The following HPSE2 variants were observed in gnomAD, a reference collection of about 807,000 sequenced individuals.
The protein encoded by HPSE2 is inactive heparanase-2.
In HPSE2, 38 loss-of-function variants were observed where a neutral mutation model predicts 60.5. That is an observed-to-expected ratio of 0.63 (90% CI 0.48 to 0.82). The LOEUF is 0.82. Among genes scored for constraint, HPSE2 ranks in the 40% least tolerant of loss-of-function variants. HPSE2 has a pLI of 0.00. For synonymous variants in HPSE2, 295 were observed against 293.2 expected, an observed-to-expected ratio of 1.01 and a Z score of -0.06; for missense variants, 713 against 740.4, an observed-to-expected ratio of 0.96 and a Z score of 0.43.
chr10:98,468,484 C>T (rs1940646613), intron 11 of HPSE2, among the ~76,000 whole-genome samples: 1 of 152,050 alleles, frequency 6.6e-6, no homozygotes, highest in Non-Finnish European at 1.5e-5. Flanking sequence ...CCTGTTCTTC[C>T]CTCCAGGCCC....
intron 3 of HPSE2, among the ~76,000 whole-genome samples, chr10:98,799,518 G>C (rs1285458922): frequency 1.3e-5 from 2 of 152,008 alleles, no homozygotes; most frequent in South Asian, 2.1e-4. Context: ...TCATTCTCAA[G>C]GATAGACTAT....
chr10:98,929,259 T>A (rs570987573), intron 3 of HPSE2, among the ~76,000 whole-genome samples: 1 of 143,716 alleles, frequency 7.0e-6, no homozygotes, highest in East Asian at 2.0e-4. Context: ...TCAGCATCAG[T>A]GGACACTGCA....
At chr10:98,793,460 A>G (rs184018133) in intron 3 of HPSE2, among the ~76,000 whole-genome samples, 1 of 152,324 alleles carries the variant, frequency 6.6e-6, no homozygotes, top group Admixed American at 6.5e-5. Flanking sequence ...CATCCATTCA[A>G]CGAATATTAC....
chr10:98,610,502 C>T (rs565266911), intron 9 of HPSE2, among the ~76,000 whole-genome samples: 19 of 152,282 alleles, frequency 1.2e-4, no homozygotes, highest in Non-Finnish European at 2.6e-4. Flanking sequence ...AATCCATGAC[C>T]AATGACTATA....
chr10:99,046,167 C>G (rs906895225), intron 3 of HPSE2, among the ~76,000 whole-genome samples: 1 of 152,106 alleles, frequency 6.6e-6, no homozygotes, highest in African/African-American at 2.4e-5. Flanking sequence ...GGATGCAAGG[C>G]TGGTTCAACA....
chr10:98,782,904 G>A (rs146230878), intron 3 of HPSE2, among the ~76,000 whole-genome samples: 5,193 of 50,532 alleles, frequency 0.1, 337 homozygotes, highest in East Asian at 0.3. Flanking sequence ...CTACTTCCCT[G>A]TTTGTTTATT....
chr10:98,565,086 T>C (rs982247637), intron 9 of HPSE2, among the ~76,000 whole-genome samples: 1 of 152,092 alleles, frequency 6.6e-6, no homozygotes, highest in Admixed American at 6.5e-5. Flanking sequence ...CTTAAGCTTT[T>C]ACTTTTTTGT....
At chr10:98,525,057 C>T (rs1942920497) in intron 9 of HPSE2, among the ~76,000 whole-genome samples, 1 of 152,216 alleles carries the variant, frequency 6.6e-6, no homozygotes, top group Non-Finnish European at 1.5e-5. Flanking sequence ...GTCGCCCAGG[C>T]TGGAGTGCAA....
intron 3 of HPSE2, among the ~76,000 whole-genome samples, chr10:99,139,004 C>T (rs1000885777): frequency 6.6e-6 from 1 of 152,060 alleles, no homozygotes; most frequent in African/African-American, 2.4e-5. Flanking sequence ...TATTGCAGCA[C>T]AATTTACAAT....
At chr10:99,011,845 C>T (rs1322722295) in intron 3 of HPSE2, among the ~76,000 whole-genome samples, 3 of 150,050 alleles carry the variant, frequency 2.0e-5, no homozygotes, top group African/African-American at 4.9e-5. Context: ...TTGTATCAAT[C>T]AATCTTTAAA....
intron 5 of HPSE2, among the ~76,000 whole-genome samples, chr10:98,695,043 C>T (rs115032610): frequency 0.021 from 3,271 of 152,292 alleles, 130 homozygotes; most frequent in African/African-American, 0.074. Context: ...GCATGTTGCT[C>T]ATGCTGTGTG....
chr10:99,315,457 C>T, the HPSE2 span, among the ~76,000 whole-genome samples: 2 of 147,824 alleles, frequency 1.4e-5, no homozygotes, highest in African/African-American at 2.4e-5. Context: ...GTTAAGAACT[C>T]CTAGTTTAAC....
intron 9 of HPSE2, among the ~76,000 whole-genome samples, chr10:98,545,672 C>G (rs1943645505): frequency 6.6e-6 from 1 of 152,120 alleles, no homozygotes. Context: ...TAAGAGCTAT[C>G]TATGACAAAC....
intron 6 of HPSE2, among the ~76,000 whole-genome samples, chr10:98,649,042 A>G (rs1946848379): frequency 6.6e-6 from 1 of 152,138 alleles, no homozygotes; most frequent in African/African-American, 2.4e-5. Flanking sequence ...TGGTAAATCT[A>G]AATTGTGAGG....
chr10:99,166,136 T>C (rs1847072548), intron 2 of HPSE2, among the ~76,000 whole-genome samples: 1 of 38,266 alleles, frequency 2.6e-5, no homozygotes, highest in Non-Finnish European at 1.2e-4. Flanking sequence ...TGTGAATCAA[T>C]AGTTAATTCT....
At chr10:99,237,284 C>T (rs3814146), upstream of HPSE2, among the ~76,000 whole-genome samples, 11,715 of 152,146 alleles carry the variant, frequency 0.077, 605 homozygotes, top group South Asian at 0.18. Context: ...CGTCCAGGGC[C>T]CTCCTTGGTA....
At chr10:98,946,039 G>A (rs1387117503) in intron 3 of HPSE2, among the ~76,000 whole-genome samples, 1 of 151,994 alleles carries the variant, frequency 6.6e-6, no homozygotes, top group Non-Finnish European at 1.5e-5. Context: ...CAGACAAACT[G>A]TGTAGCCTAG....
At chr10:99,101,835 T>C (rs1448396381) in intron 3 of HPSE2, among the ~76,000 whole-genome samples, 1 of 152,072 alleles carries the variant, frequency 6.6e-6, no homozygotes, top group East Asian at 1.9e-4. Context: ...GAAACTCACT[T>C]AAAACTGCTC....
At chr10:98,647,273 C>T (rs1461633674) in intron 6 of HPSE2, among the ~76,000 whole-genome samples, 2 of 152,180 alleles carry the variant, frequency 1.3e-5, no homozygotes, top group African/African-American at 4.8e-5. Flanking sequence ...CACTTATGCC[C>T]ATTAGGCTTT....
Sources: gnomAD v4.1 joint callset for allele counts (sites outside exome capture counted in the v4.1 genomes callset) on GRCh38, gnomAD v4.1.1 for gene constraint, MANE v1.5 for transcripts, NCBI Gene and HGNC (gene_info 2026-07-23, HGNC 2026-07-21) for gene names.